The following LRRTM4 variants were observed in gnomAD, a reference collection of about 807,000 sequenced individuals.
The protein encoded by LRRTM4 is leucine-rich repeat transmembrane neuronal protein 4.
Under a neutral mutation model 47.6 loss-of-function variants are expected in LRRTM4, and 25 were observed. The ratio of observed to expected loss-of-function variants is 0.53; its 90% CI spans 0.38 to 0.73. The LOEUF (loss-of-function observed/expected upper bound fraction) is 0.73, where lower values mean the gene tolerates loss of function less well. Ranked by LOEUF, LRRTM4 falls within the 30% of genes least tolerant of loss-of-function variation. LRRTM4 has a pLI of 0.00. For synonymous variants in LRRTM4, 311 were observed against 269.5 expected (o/e 1.15, Z -1.51); for missense variants, 638 against 713.4 (o/e 0.89, Z 1.20).
intron 3 of LRRTM4, among the ~76,000 whole-genome samples, chr2:76,820,996 C>T (rs539274417): frequency 3.3e-5 from 5 of 151,672 alleles, no homozygotes; most frequent in African/African-American, 1.2e-4. Context: ...GTTATATGTT[C>T]TGATGTAAAA....
chr2:76,843,563 A>T (rs1344530053), intron 3 of LRRTM4, among the ~76,000 whole-genome samples: 2 of 152,232 alleles, frequency 1.3e-5, no homozygotes, highest in Non-Finnish European at 2.9e-5. Context: ...TTTCATAATA[A>T]CAATAAATTA....
At chr2:77,047,177 T>C (rs768093033) in intron 3 of LRRTM4, among the ~76,000 whole-genome samples, 1 of 152,036 alleles carries the variant, frequency 6.6e-6, no homozygotes, top group Non-Finnish European at 1.5e-5. Context: ...AAACATAACA[T>C]TGATTTAAAT....
chr2:77,037,214 G>GGC (rs1347887002), intron 3 of LRRTM4, among the ~76,000 whole-genome samples: 1 of 151,624 alleles, frequency 6.6e-6, no homozygotes, highest in Non-Finnish European at 1.5e-5. Context: ...AGAGAATATG[G>GGC]GCTTCACGGA....
In LRRTM4 at chr2:76,933,105, C is replaced by A. The variant is rs142842790; in HGVS notation, c.1552-184189G>T. ...TTAAGATAGATAATATTGAACACAA[C>A]AGCAAGTCAAGTTAGGATAACAATA... On this transcript the variant is annotated intron_variant, in intron 3 of 3. Coordinates refer to ENST00000409884, the MANE Select transcript of LRRTM4 (RefSeq NM_001134745.3). Among the ~76,000 whole-genome samples the A allele has an allele frequency of 8.7e-4, 133 of 152,176 alleles. No individual in the cohort carries two copies. The East Asian group carries it at 0.022, about 25-fold the overall frequency.
intron 3 of LRRTM4, among the ~76,000 whole-genome samples, chr2:77,499,773 T>C (rs1216856046): frequency 1.3e-5 from 2 of 151,890 alleles, no homozygotes; most frequent in Non-Finnish European, 2.9e-5. Flanking sequence ...AATCTTTATT[T>C]ATATATGTTG....
chr2:77,172,455 G>A lies in LRRTM4; in HGVS notation c.1551+345863C>T, dbSNP rs1355419294. Among the ~76,000 whole-genome samples the A allele has an allele frequency of 2.0e-5, 3 of 152,194 alleles. 1 individual carries two copies. In the East Asian group the frequency reaches 5.8e-4, roughly 30 times the overall value. ...AGTAAAAATACAAAACTAGCCAGAC[G>A]TGGTGGGTCATGCCTGTAATCTCAG... On this transcript the variant is annotated intron_variant, in intron 3 of 3. Coordinates refer to ENST00000409884, the MANE Select transcript of LRRTM4 (RefSeq NM_001134745.3).
At chr2:77,191,238 G>A (rs552101700) in intron 3 of LRRTM4, among the ~76,000 whole-genome samples, 13 of 151,394 alleles carry the variant, frequency 8.6e-5, no homozygotes, top group African/African-American at 2.7e-4. Context: ...AAAAACACCC[G>A]AAGTGTTTCT....
At position 77,454,017 on chromosome 2, in the gene LRRTM4, G is replaced by T. The variant is rs114951975; in HGVS notation, c.1551+64301C>A. 5.0e-3 allele frequency among the ~76,000 whole-genome samples: 763 copies of T among 152,168 alleles called. 6 individuals are homozygous for T. Among genetic ancestry groups the T allele is most frequent in the Admixed American group, 8.5e-3 (130 of 15,276 alleles). On this transcript the variant is annotated intron_variant, in intron 3 of 3. Transcript: ENST00000409884. ...GTTTCTTTGAATACCTTACACAATG[G>T]ATTCCACCTGTCACCTTACTATCTC... is the stretch of plus-strand genomic sequence containing the variant.
chr2:77,320,775 AT>A lies in LRRTM4; in HGVS notation c.1551+197542del, dbSNP rs577882265. 2.1e-3 allele frequency among the ~76,000 whole-genome samples: 325 copies of A among 152,210 alleles called. 3 individuals are homozygous for A. Among genetic ancestry groups the A allele is most frequent in the African/African-American group, 7.4e-3 (307 of 41,570 alleles). ...AAATATTAAATACACAGAGAAAAAA[AT>A]GTATTACCAAACTGGCATGAATTAA... is the stretch of plus-strand genomic sequence containing the variant. On this transcript the variant is annotated intron_variant, in intron 3 of 3. Transcript: ENST00000409884.
intron 3 of LRRTM4, among the ~76,000 whole-genome samples, chr2:77,422,022 G>A (rs557868704): frequency 6.6e-6 from 1 of 152,248 alleles, no homozygotes; most frequent in East Asian, 1.9e-4. Flanking sequence ...TGCTGGGCAG[G>A]TTTGTAACCT....
At chr2:76,868,049 G>A (rs894954906) in intron 3 of LRRTM4, among the ~76,000 whole-genome samples, 1 of 152,240 alleles carries the variant, frequency 6.6e-6, no homozygotes, top group South Asian at 2.1e-4. Flanking sequence ...GACATTTCCT[G>A]TTGACTCAGA....
chr2:77,466,497 C>G (rs1033056250), intron 3 of LRRTM4, among the ~76,000 whole-genome samples: 1 of 152,048 alleles, frequency 6.6e-6, no homozygotes, highest in African/African-American at 2.4e-5. Flanking sequence ...CAATTTCATC[C>G]ATCTACTAGT....
chr2:77,172,549 T>C (rs1673078485), intron 3 of LRRTM4, among the ~76,000 whole-genome samples: 1 of 152,082 alleles, frequency 6.6e-6, no homozygotes, highest in Admixed American at 6.6e-5. Context: ...AGCCAAGTCG[T>C]GCCACTGCAC....
intron 3 of LRRTM4, among the ~76,000 whole-genome samples, chr2:77,176,642 T>C (rs1573041365): frequency 6.6e-6 from 1 of 152,322 alleles, no homozygotes; most frequent in East Asian, 1.9e-4. Flanking sequence ...CATTTTGCAG[T>C]TGGATTGTCA....
At chr2:77,134,582 G>C (rs964464599) in intron 3 of LRRTM4, among the ~76,000 whole-genome samples, 3 of 152,058 alleles carry the variant, frequency 2.0e-5, no homozygotes, top group Non-Finnish European at 2.9e-5. Flanking sequence ...GACTATGTCT[G>C]ATTTCTTATA....
intron 3 of LRRTM4, among the ~76,000 whole-genome samples, chr2:77,023,089 T>C (rs770562807): frequency 2.6e-5 from 4 of 152,254 alleles, no homozygotes; most frequent in Non-Finnish European, 4.4e-5. Flanking sequence ...CCCCAATTCT[T>C]GACTTCTGTG....
intron 3 of LRRTM4, among the ~76,000 whole-genome samples, chr2:76,852,005 ACATTAAAGACTCAAGG>A (rs1558692898): frequency 5.3e-5 from 8 of 152,108 alleles, no homozygotes; most frequent in African/African-American, 1.9e-4. Context: ...TATTGCATGT[ACATTAAAGACTCAAGG>A]AAGCCTCACT....
At chr2:77,385,262 A>T (rs1673217578) in intron 3 of LRRTM4, among the ~76,000 whole-genome samples, 2 of 152,180 alleles carry the variant, frequency 1.3e-5, no homozygotes. Flanking sequence ...TATAAATTCC[A>T]TTAATAATTT....
chr2:77,356,895 G>A (rs115242447), intron 3 of LRRTM4, among the ~76,000 whole-genome samples: 1 of 151,968 alleles, frequency 6.6e-6, no homozygotes. Context: ...ATTAATTAAT[G>A]TATTTGATTT....
Sources: gnomAD v4.1 joint callset for allele counts (sites outside exome capture counted in the v4.1 genomes callset) on GRCh38, gnomAD v4.1.1 for gene constraint, MANE v1.5 for transcripts, NCBI Gene and HGNC (gene_info 2026-07-23, HGNC 2026-07-21) for gene names.